Variants in HCRTR2 observed in about 807,000 individuals in gnomAD.
HCRTR2 encodes hypocretin receptor 2.
A neutral mutation model predicts 49.0 loss-of-function variants in HCRTR2; 22 were observed. The observed-to-expected ratio is 0.45, with a 90% CI of 0.32 to 0.64. HCRTR2 has a LOEUF of 0.64. Among genes scored for constraint, HCRTR2 ranks in the 30% least tolerant of loss-of-function variants. HCRTR2 has a pLI of 0.04. For synonymous variants in HCRTR2, 236 were observed against 205.3 expected (o/e 1.15, Z -1.28); for missense variants, 491 against 559.4 (o/e 0.88, Z 1.23).
chr6:55,197,337 A>T (rs529396935), intron 1 of HCRTR2, among the ~76,000 whole-genome samples: 1 of 152,230 alleles, frequency 6.6e-6, no homozygotes, highest in South Asian at 2.1e-4. Flanking sequence ...TGAAACCCTC[A>T]TCAGAACACA....
intron 1 of HCRTR2, among the ~76,000 whole-genome samples, chr6:55,225,053 T>G (rs972841765): frequency 4.6e-5 from 7 of 152,166 alleles, no homozygotes; most frequent in African/African-American, 1.4e-4. Flanking sequence ...CATTTTTTAA[T>G]TAGCTCCCTT....
chr6:55,119,159 T>C (rs981277661), intron 1 of HCRTR2, among the ~76,000 whole-genome samples: 1 of 152,154 alleles, frequency 6.6e-6, no homozygotes, highest in Non-Finnish European at 1.5e-5. Flanking sequence ...GGTGTATATG[T>C]GCCATGTTTT....
intron 1 of HCRTR2, among the ~76,000 whole-genome samples, chr6:55,115,475 A>C (rs1412709265): frequency 2.8e-5 from 2 of 71,418 alleles, no homozygotes; most frequent in Admixed American, 4.0e-4. Context: ...TTGTGTTGCT[A>C]AAGAGTGTGT....
chr6:55,135,652 T>C (rs1764424366), intron 1 of HCRTR2, among the ~76,000 whole-genome samples: 2 of 152,166 alleles, frequency 1.3e-5, no homozygotes, highest in African/African-American at 4.8e-5. Context: ...TGATCCCCTT[T>C]CTAAACACTT....
At chr6:55,167,867 A>G (rs909063482) in intron 1 of HCRTR2, among the ~76,000 whole-genome samples, 1 of 152,216 alleles carries the variant, frequency 6.6e-6, no homozygotes, top group Non-Finnish European at 1.5e-5. Flanking sequence ...AATTTTTAGA[A>G]TATGGAAAGA....
intron 1 of HCRTR2, among the ~76,000 whole-genome samples, chr6:55,201,649 G>C (rs1019203856): frequency 2.6e-5 from 4 of 152,108 alleles, no homozygotes; most frequent in African/African-American, 9.7e-5. Flanking sequence ...AAAAGGTTAA[G>C]CAAAACTAAT....
At chr6:55,147,091 A>G (rs1254720941) in intron 1 of HCRTR2, among the ~76,000 whole-genome samples, 2 of 152,160 alleles carry the variant, frequency 1.3e-5, no homozygotes, top group Non-Finnish European at 2.9e-5. Context: ...ATTTAAAACT[A>G]TTACATACTT....
At chr6:55,252,579 G>C (rs1022501290) in intron 2 of HCRTR2, among the ~76,000 whole-genome samples, 2 of 152,044 alleles carry the variant, frequency 1.3e-5, no homozygotes, top group African/African-American at 2.4e-5. Flanking sequence ...TATTTGCAGA[G>C]AAGGAATGGA....
chr6:55,248,878 C>T, intron 2 of HCRTR2, 61 bp downstream of exon 2: 1 of 1,381,462 alleles, frequency 7.2e-7, no homozygotes, highest in Non-Finnish European at 1.0e-6. Flanking sequence ...TAGCGATGGC[C>T]CTTATGGTAA....
chr6:55,144,644 A>T (rs73432967), intron 1 of HCRTR2, among the ~76,000 whole-genome samples: 8,159 of 152,200 alleles, frequency 0.054, 298 homozygotes, highest in African/African-American at 0.097. Flanking sequence ...GATCCCTCGC[A>T]TGCGCAGTTC....
intron 1 of HCRTR2, among the ~76,000 whole-genome samples, chr6:55,142,496 C>T (rs974927510): frequency 9.2e-5 from 14 of 151,836 alleles, no homozygotes; most frequent in African/African-American, 2.9e-4. Flanking sequence ...CATGAGCCAC[C>T]GGGCCCGGCC....
At chr6:55,170,956 C>T (rs1764941526), upstream of HCRTR2, among the ~76,000 whole-genome samples, 1 of 151,872 alleles carries the variant, frequency 6.6e-6, no homozygotes, top group Non-Finnish European at 1.5e-5. Context: ...GTATATGTGC[C>T]ATATTTTCTT....
At chr6:55,280,616 C>T (rs1767171840) in intron 6 of HCRTR2, 172 bp downstream of exon 6, 1 of 299,724 alleles carries the variant, frequency 3.3e-6, no homozygotes, top group African/African-American at 2.3e-5. Context: ...TTACTGAACT[C>T]ATCAGAGAAA....
At chr6:55,125,877 AT>A (rs761300991) in intron 1 of HCRTR2, among the ~76,000 whole-genome samples, 173 of 151,890 alleles carry the variant, frequency 1.1e-3, no homozygotes, top group Non-Finnish European at 1.1e-3. Flanking sequence ...CCTTCAATCA[AT>A]GGTACCCTTT....
chr6:55,164,636 C>T (rs778759275), intron 1 of HCRTR2, among the ~76,000 whole-genome samples: 14 of 152,124 alleles, frequency 9.2e-5, no homozygotes, highest in Non-Finnish European at 2.1e-4. Flanking sequence ...CAGTGGGGGG[C>T]TAGGGGAGGG....
chr6:55,189,506 G>A (rs1467860359), intron 1 of HCRTR2, among the ~76,000 whole-genome samples: 1 of 152,154 alleles, frequency 6.6e-6, no homozygotes, highest in Non-Finnish European at 1.5e-5. Flanking sequence ...GCCAAAGAAA[G>A]TACAGTGGCT....
At chr6:55,279,628 G>C (rs990975734) in intron 5 of HCRTR2, among the ~76,000 whole-genome samples, 2 of 151,496 alleles carry the variant, frequency 1.3e-5, no homozygotes, top group Non-Finnish European at 2.9e-5. Flanking sequence ...TTATTGAGTA[G>C]CTGTAAGTTA....
intron 1 of HCRTR2, among the ~76,000 whole-genome samples, chr6:55,126,354 G>A (rs1261267041): frequency 1.3e-5 from 2 of 152,100 alleles, no homozygotes; most frequent in African/African-American, 4.8e-5. Context: ...TAACAGTCAG[G>A]CCCCTCTTCA....
chr6:55,168,980 C>G (rs1561993682), intron 1 of HCRTR2, among the ~76,000 whole-genome samples: 1 of 151,882 alleles, frequency 6.6e-6, no homozygotes. Flanking sequence ...AATCTGGTTA[C>G]CATTCATTCT....
Sources: gnomAD v4.1 joint callset for allele counts (sites outside exome capture counted in the v4.1 genomes callset) on GRCh38, gnomAD v4.1.1 for gene constraint, MANE v1.5 for transcripts, NCBI Gene and HGNC (gene_info 2026-07-23, HGNC 2026-07-21) for gene names.